The following TNR variants were observed in gnomAD, a reference collection of about 807,000 sequenced individuals.
TNR encodes the protein tenascin R, also known as tenascin-R.
TNR carries 45 observed loss-of-function variants against 150.4 expected under a neutral mutation model. That is an observed-to-expected ratio of 0.30 (90% CI 0.24 to 0.38). TNR has a LOEUF of 0.38. Among genes scored for constraint, TNR ranks in the 10% least tolerant of loss-of-function variants. The pLI is 1.00. For missense variants in TNR, 1,544 were observed against 1,759.1 expected (o/e 0.88, Z 2.19); for synonymous variants, 687 against 678.4 (o/e 1.01, Z -0.20).
At chr1:175,516,681 A>G (rs1659419521) in intron 2 of TNR, among the ~76,000 whole-genome samples, 1 of 152,188 alleles carries the variant, frequency 6.6e-6, no homozygotes, top group Non-Finnish European at 1.5e-5. Flanking sequence ...CAAAGTGACT[A>G]TGGCAGTATG....
intron 19 of TNR, 49 bp from the exon 20 acceptor site, chr1:175,335,856 C>T (rs775626605): frequency 1.3e-6 from 2 of 1,524,030 alleles, no homozygotes; most frequent in East Asian, 2.3e-5. Flanking sequence ...AAAAACAAAA[C>T]CCAAAGAGAT....
chr1:175,408,534 G>A (rs1410023474), intron 2 of TNR, among the ~76,000 whole-genome samples: 1 of 152,140 alleles, frequency 6.6e-6, no homozygotes, highest in Non-Finnish European at 1.5e-5. Context: ...TATGGACAGG[G>A]AGCAGACCAG....
chr1:175,522,628 G>A (rs914352292), intron 2 of TNR, among the ~76,000 whole-genome samples: 3 of 152,106 alleles, frequency 2.0e-5, no homozygotes, highest in Admixed American at 2.0e-4. Context: ...AAACAATGAA[G>A]TTGACACAGT....
intron 1 of TNR, among the ~76,000 whole-genome samples, chr1:175,690,996 A>G (rs187421291): frequency 6.6e-6 from 1 of 152,354 alleles, no homozygotes; most frequent in Non-Finnish European, 1.5e-5. Context: ...GCATTTGTTA[A>G]AATGGACTGT....
chr1:175,491,688 T>C lies in TNR; in HGVS notation c.-64+36581A>G, dbSNP rs908426195. ...TTTTTGAGATGGAGTCTCGCTCTGT[T>C]GCCCAGGCTGGAGTGCAGTGGCGTG... On this transcript the variant is annotated intron_variant, in intron 2 of 22. Coordinates refer to ENST00000367674, the MANE Select transcript of TNR (RefSeq NM_003285.3). 9.9e-5 allele frequency among the ~76,000 whole-genome samples: 13 copies of C among 131,344 alleles called. No individual in the cohort carries two copies. In the East Asian group the frequency reaches 2.7e-3, roughly 27 times the overall value. The allele number at this position is 131,344 out of a possible 152,430, so 86.2% of individuals were successfully genotyped here.
chr1:175,379,688 G>C lies in TNR; in HGVS notation c.1827C>G (p.Ser609Arg). ...NLRVGSRTATSLDLEWDNSEA... is the reference protein window; with the variant it reads ...NLRVGSRTATRLDLEWDNSEA... Reference sequence around the variant, plus strand: ...CACTGTTATCCCACTCGAGGTCAAGGCTGGTTGCTGTGCGAGAACCAACTC... The same window carrying C: ...CACTGTTATCCCACTCGAGGTCAAGCCTGGTTGCTGTGCGAGAACCAACTC... Residue 609 changes from serine to arginine, a missense_variant, in exon 9 of 23, where the codon AGC becomes AGG. Coordinates refer to ENST00000367674, the MANE Select transcript of TNR (RefSeq NM_003285.3). 1.2e-6 allele frequency: 2 copies of C among 1,614,192 alleles called. No homozygotes were observed. The highest frequency in any genetic ancestry group is 1.7e-6 in the Non-Finnish European group (2 of 1,180,030).
chr1:175,738,559 G>A (rs572498994), intron 1 of TNR, among the ~76,000 whole-genome samples: 1 of 152,298 alleles, frequency 6.6e-6, no homozygotes, highest in South Asian at 2.1e-4. Flanking sequence ...TTTCAATTTG[G>A]AAAAATGAGA....
At chr1:175,713,095 G>A (rs1667061470) in intron 1 of TNR, among the ~76,000 whole-genome samples, 1 of 152,202 alleles carries the variant, frequency 6.6e-6, no homozygotes, top group Admixed American at 6.5e-5. Context: ...GGAAGCAGGA[G>A]CGATAATGCT....
intron 20 of TNR, 123 bp downstream of exon 20, chr1:175,335,588 T>A: frequency 2.2e-6 from 2 of 899,926 alleles, no homozygotes; most frequent in Non-Finnish European, 3.5e-6. Flanking sequence ...TGAAAGCAAT[T>A]CAGGAGCTGT....
intron 10 of TNR, among the ~76,000 whole-genome samples, chr1:175,366,451 T>G (rs901419264): frequency 3.9e-5 from 6 of 152,200 alleles, no homozygotes; most frequent in African/African-American, 1.4e-4. Context: ...CCTTTCTCAA[T>G]GAGCCAATAA....
chr1:175,550,717 C>A (rs1184710245), intron 1 of TNR, among the ~76,000 whole-genome samples: 2 of 151,304 alleles, frequency 1.3e-5, no homozygotes, highest in Non-Finnish European at 2.9e-5. Flanking sequence ...TTTGAAATCT[C>A]TAGTATAGAA....
intron 2 of TNR, among the ~76,000 whole-genome samples, chr1:175,504,826 T>C (rs1212279019): frequency 1.3e-5 from 2 of 152,094 alleles, no homozygotes. Flanking sequence ...AAAGAGGTGA[T>C]CAAATTAAAA....
chr1:175,664,582 C>A (rs1665474135), intron 1 of TNR, among the ~76,000 whole-genome samples: 1 of 152,202 alleles, frequency 6.6e-6, no homozygotes, highest in Non-Finnish European at 1.5e-5. Flanking sequence ...GATCATCTAG[C>A]ACCTGTGTGA....
intron 1 of TNR, among the ~76,000 whole-genome samples, chr1:175,723,730 T>C (rs1319814447): frequency 1.3e-5 from 2 of 152,094 alleles, no homozygotes; most frequent in Non-Finnish European, 2.9e-5. Context: ...TTTTAAAAAT[T>C]AGCTGAGCGT....
At chr1:175,418,373 G>A (rs918785518) in intron 2 of TNR, among the ~76,000 whole-genome samples, 2 of 152,212 alleles carry the variant, frequency 1.3e-5, no homozygotes, top group Non-Finnish European at 1.5e-5. Flanking sequence ...TGGAAAAGAT[G>A]GCTTTTGAGC....
rs146476743 is a variant in TNR, at chr1:175,592,857, TCTC to T, written c.-164-64491_-164-64489del. On this transcript the variant is annotated intron_variant, in intron 1 of 22. Transcript: ENST00000367674. ...GGCAGTGATTTTAAAAGCCTCATCT[TCTC>T]CTCTCATCCTTCCTTCTCCTCATTA... is the stretch of plus-strand genomic sequence containing the variant. 7.6e-4 allele frequency among the ~76,000 whole-genome samples: 115 copies of T among 152,302 alleles called. 3 individuals carry two copies. In the East Asian group the frequency reaches 0.018, roughly 24 times the overall value.
At chr1:175,552,992 A>G (rs1661005468) in intron 1 of TNR, among the ~76,000 whole-genome samples, 1 of 152,280 alleles carries the variant, frequency 6.6e-6, no homozygotes. Flanking sequence ...GATGAGAACC[A>G]TGAGGCACCC....
In TNR at chr1:175,454,558, C is replaced by G. The variant is rs774407266; in HGVS notation, c.-63-47781G>C. On this transcript the variant is annotated intron_variant, in intron 2 of 22. Transcript: ENST00000367674. ...CAATCTCGGCTCACTGCAACCTCCC[C>G]TCTCCTGGGTTCAAGCGATTCTCCT... Among the ~76,000 whole-genome samples the G allele has an allele frequency of 6.5e-4, 99 of 151,926 alleles. 1 individual carries two copies. Among genetic ancestry groups the G allele is most frequent in the Non-Finnish European group, 3.1e-4 (21 of 67,990 alleles).
intron 7 of TNR, among the ~76,000 whole-genome samples, chr1:175,388,235 A>G (rs548557866): frequency 6.6e-6 from 1 of 152,292 alleles, no homozygotes; most frequent in South Asian, 2.1e-4. Context: ...AAGAAGGGGA[A>G]GCATTTCAAT....
Sources: gnomAD v4.1 joint callset for allele counts (sites outside exome capture counted in the v4.1 genomes callset) on GRCh38, gnomAD v4.1.1 for gene constraint, MANE v1.5 for transcripts, NCBI Gene and HGNC (gene_info 2026-07-23, HGNC 2026-07-21) for gene names.